SENP7: variants seen among roughly 807,000 people sequenced by gnomAD.
The protein encoded by SENP7 is sentrin-specific protease 7.
SENP7 carries 64 observed loss-of-function variants against 141.2 expected under a neutral mutation model. That is an observed-to-expected ratio of 0.45 (90% CI 0.37 to 0.56). SENP7 has a LOEUF of 0.56. Ranked by LOEUF, SENP7 falls within the 20% of genes least tolerant of loss-of-function variation. SENP7 has a pLI of 0.00. For synonymous variants in SENP7, 382 were observed against 426.4 expected, an observed-to-expected ratio of 0.90 and a Z score of 1.28; for missense variants, 1,025 against 1,212.2, an observed-to-expected ratio of 0.85 and a Z score of 2.29.
rs1291644287 is a variant in SENP7 at position 101,325,022 on chromosome 3, G to A, written c.*921C>T. On this transcript the variant is annotated 3_prime_UTR_variant, in exon 24 of 24. Transcript: ENST00000394095. Reference sequence around the variant, plus strand: ...TGCAGATGAATACTGGGTAAACTGAGCTATAAAATTATATATTTAATTCTA... The same window carrying A: ...TGCAGATGAATACTGGGTAAACTGAACTATAAAATTATATATTTAATTCTA... The A allele has an allele frequency of 1.3e-5, 2 of 151,944 alleles. No individual in the cohort carries two copies. Among genetic ancestry groups the A allele is most frequent in the Non-Finnish European group, 2.9e-5 (2 of 67,958 alleles). The allele number at this position is 151,944 out of a possible 1,614,324, so 9.4% of individuals were successfully genotyped here. A position where few individuals can be genotyped will look rare whatever the true frequency, so the allele number is the denominator to read the frequency against.
chr3:101,468,968 C>G (rs1173144012), intron 3 of SENP7, among the ~76,000 whole-genome samples: 2 of 151,944 alleles, frequency 1.3e-5, no homozygotes, highest in Non-Finnish European at 2.9e-5. Flanking sequence ...TTCAGGAGAC[C>G]CATCTCACAT....
chr3:101,395,200 C>T (rs144857468), intron 6 of SENP7, among the ~76,000 whole-genome samples: 47 of 152,266 alleles, frequency 3.1e-4, no homozygotes, highest in African/African-American at 1.0e-3. Context: ...TGTGTGAGGT[C>T]TAAGTCAAAA....
chr3:101,415,652 A>C (rs753395764), intron 5 of SENP7, among the ~76,000 whole-genome samples: 1 of 152,226 alleles, frequency 6.6e-6, no homozygotes, highest in Non-Finnish European at 1.5e-5. Flanking sequence ...TGGCAGCAGG[A>C]AATTCAAGGA....
chr3:101,432,673 C>T (rs1194960973), intron 4 of SENP7, among the ~76,000 whole-genome samples: 1 of 152,164 alleles, frequency 6.6e-6, no homozygotes, highest in Non-Finnish European at 1.5e-5. Flanking sequence ...AGTTCTTGTA[C>T]AAGACTATCA....
chr3:101,358,438 T>C (rs1453212117), intron 11 of SENP7: 1 of 393,960 alleles, frequency 2.5e-6, no homozygotes, highest in Non-Finnish European at 5.1e-6. Context: ...ATGTGATGAA[T>C]GTGGGAAAAC....
intron 1 of SENP7, among the ~76,000 whole-genome samples, chr3:101,508,485 G>C (rs1445796532): frequency 6.6e-6 from 1 of 152,084 alleles, no homozygotes; most frequent in Non-Finnish European, 1.5e-5. Flanking sequence ...TGTAGTCCCA[G>C]CTACTCGGGA....
intron 4 of SENP7, among the ~76,000 whole-genome samples, chr3:101,449,782 C>A (rs2063049212): frequency 6.6e-6 from 1 of 152,138 alleles, no homozygotes; most frequent in African/African-American, 2.4e-5. Context: ...ATTATAAAGA[C>A]CATCGAGGCT....
chr3:101,366,777 T>C lies in SENP7; in HGVS notation c.979-8A>G, dbSNP rs759000899. 6.5e-7 allele frequency: 1 copy of C among 1,533,788 alleles called. No individual in the cohort carries two copies. Among genetic ancestry groups the C allele is most frequent in the Non-Finnish European group, 8.8e-7 (1 of 1,138,728 alleles). ...GTCATCTTCTTGTTTTTTCTAAACA[T>C]AAACACATAGAAAAAAATAGCATTT... On this transcript the variant is annotated splice_region_variant and splice_polypyrimidine_tract_variant and intron_variant, in intron 8 of 23. Transcript: ENST00000394095.
At chr3:101,362,366 A>T (rs898600419) in intron 10 of SENP7, among the ~76,000 whole-genome samples, 1 of 152,238 alleles carries the variant, frequency 6.6e-6, no homozygotes, top group Non-Finnish European at 1.5e-5. Flanking sequence ...GTAAGAAGCA[A>T]AACAAAGATT....
At chr3:101,348,330 A>C (rs1429529231) in intron 12 of SENP7, among the ~76,000 whole-genome samples, 1 of 152,316 alleles carries the variant, frequency 6.6e-6, no homozygotes, top group South Asian at 2.1e-4. Context: ...ATATGATTTC[A>C]GTTATAACCA....
intron 7 of SENP7, among the ~76,000 whole-genome samples, chr3:101,371,082 G>A (rs1387807786): frequency 6.6e-6 from 1 of 152,168 alleles, no homozygotes; most frequent in Non-Finnish European, 1.5e-5. Flanking sequence ...TGGAGCCCAG[G>A]AGTTTGAGAC....
chr3:101,461,337 T>TA (rs1466933373), intron 3 of SENP7, among the ~76,000 whole-genome samples: 2 of 151,972 alleles, frequency 1.3e-5, no homozygotes, highest in African/African-American at 2.4e-5. Context: ...AAAATCCCTA[T>TA]AAAAATATCA....
chr3:101,347,811 G>T, intron 13 of SENP7, 61 bp downstream of exon 13: 3 of 790,718 alleles, frequency 3.8e-6, no homozygotes, highest in South Asian at 7.9e-5. Flanking sequence ...ATTATTTTAG[G>T]AAAAAACTAT....
At chr3:101,475,211 C>A (rs1423865854) in intron 3 of SENP7, among the ~76,000 whole-genome samples, 1 of 152,044 alleles carries the variant, frequency 6.6e-6, no homozygotes, top group Non-Finnish European at 1.5e-5. Flanking sequence ...GGGTATACAC[C>A]CAAAGGAATA....
chr3:101,504,271 G>A (rs965858341), intron 1 of SENP7, among the ~76,000 whole-genome samples: 1 of 150,278 alleles, frequency 6.7e-6, no homozygotes, highest in African/African-American at 2.4e-5. Flanking sequence ...GGTCAACATG[G>A]GGAAACCCGT....
chr3:101,466,179 A>G (rs1365566798), intron 3 of SENP7, among the ~76,000 whole-genome samples: 1 of 152,190 alleles, frequency 6.6e-6, no homozygotes, highest in Non-Finnish European at 1.5e-5. Context: ...GTTTCAGAAG[A>G]AAGAGAAATG....
At chr3:101,450,261 A>C (rs1396240418) in intron 4 of SENP7, among the ~76,000 whole-genome samples, 1 of 152,138 alleles carries the variant, frequency 6.6e-6, no homozygotes, top group African/African-American at 2.4e-5. Flanking sequence ...CACAATAATA[A>C]TGGGAGACTT....
At chr3:101,469,028 A>C (rs2063871655) in intron 3 of SENP7, among the ~76,000 whole-genome samples, 1 of 152,160 alleles carries the variant, frequency 6.6e-6, no homozygotes, top group Non-Finnish European at 1.5e-5. Context: ...AGATCTACCA[A>C]GCAAATGGAA....
chr3:101,382,109 T>C (rs1693779004), intron 6 of SENP7, among the ~76,000 whole-genome samples: 1 of 152,218 alleles, frequency 6.6e-6, no homozygotes, highest in South Asian at 2.1e-4. Flanking sequence ...TACCAATCCC[T>C]GCTGAGTGGC....
Sources: allele counts gnomAD v4.1 joint callset (sites outside exome capture counted in the v4.1 genomes callset), GRCh38; gene constraint gnomAD v4.1.1; transcripts MANE v1.5; gene names NCBI Gene and HGNC (gene_info 2026-07-23, HGNC 2026-07-21).